ANKRD28: variants seen among roughly 807,000 people sequenced by gnomAD.
ANKRD28 encodes ankyrin repeat domain 28.
In ANKRD28, 44 loss-of-function variants were observed where a neutral mutation model predicts 126.5. The ratio of observed to expected loss-of-function variants is 0.35; its 90% confidence interval spans 0.27 to 0.45. ANKRD28 has a LOEUF of 0.45. Ranked by LOEUF, ANKRD28 falls within the 20% of genes least tolerant of loss-of-function variation. ANKRD28 has a pLI of 1.00. For missense variants in ANKRD28, 1,110 were observed against 1,316.6 expected, an observed-to-expected ratio of 0.84 and a Z score of 2.43; for synonymous variants, 442 against 468.5, an observed-to-expected ratio of 0.94 and a Z score of 0.73.
rs1234509249 is a variant in ANKRD28, at chr3:15,679,359, C to G, written c.2503G>C (p.Glu835Gln). 2 of 1,613,968 alleles carry G rather than the reference C, an allele frequency of 1.2e-6. No individual in the cohort carries two copies. Among genetic ancestry groups the G allele is most frequent in the Non-Finnish European group, 1.7e-6 (2 of 1,179,880 alleles). The change falls in exon 23 of 28, where the codon GAG (glutamate) becomes CAG (glutamine). Residue 835 changes from glutamate (E) to glutamine (Q), a missense_variant. Physicochemically the swap from Glu to Gln is conservative, Grantham distance 29. Transcript: ENST00000683139. ...AVINDNEGAA[E>Q]MLIDTLGASI... is the part of the protein sequence containing the mutation. ...GCACCTAATGTATCAATTAACATCT[C>G]AGCAGCACCTTCGTTGTCATTTATC...
chr3:15,700,031 T>C (rs550371724), intron 14 of ANKRD28, among the ~76,000 whole-genome samples: 1 of 152,288 alleles, frequency 6.6e-6, no homozygotes, highest in African/African-American at 2.4e-5. Flanking sequence ...GTGGCACATA[T>C]ACACCATGGA....
chr3:15,699,070 C>T (rs935183566), intron 14 of ANKRD28, among the ~76,000 whole-genome samples: 7 of 152,072 alleles, frequency 4.6e-5, no homozygotes, highest in Admixed American at 3.9e-4. Context: ...AGAACAGAGG[C>T]CTCAGAAATA....
chr3:15,693,958 T>G (rs1431784774), intron 17 of ANKRD28, among the ~76,000 whole-genome samples: 1 of 152,138 alleles, frequency 6.6e-6, no homozygotes, highest in East Asian at 1.9e-4. Context: ...TGTTCCACAT[T>G]AAATTAAGGA....
intron 21 of ANKRD28, 142 bp from the exon 22 acceptor site, chr3:15,679,705 T>C (rs934309169): frequency 2.8e-5 from 19 of 669,714 alleles, no homozygotes; most frequent in African/African-American, 2.0e-4. Flanking sequence ...AATATAACCA[T>C]TGGTAGCTGT....
chr3:15,669,441 T>C lies in ANKRD28; in HGVS notation c.*829A>G, dbSNP rs944377657. 1 of 152,136 alleles carries C rather than the reference T, an allele frequency of 6.6e-6. No homozygotes were observed. Among genetic ancestry groups the C allele is most frequent in the Non-Finnish European group, 1.5e-5 (1 of 68,024 alleles). 9.4% of individuals were successfully genotyped at this position (152,136 alleles called of 1,614,324 possible). ...AATTCTTTACATTTTCAAACAAAAA[T>C]AGTACTATTTTAAACCCAAACCATT... On this transcript the variant is annotated 3_prime_UTR_variant, in exon 28 of 28. Coordinates refer to ENST00000683139, the MANE Select transcript of ANKRD28 (RefSeq NM_001349278.2).
intron 1 of ANKRD28, among the ~76,000 whole-genome samples, chr3:15,840,945 A>C (rs1460132475): frequency 2.6e-5 from 4 of 152,180 alleles, no homozygotes; most frequent in Non-Finnish European, 5.9e-5. Context: ...GTTTGAGACA[A>C]GCCTGGCCAA....
intron 2 of ANKRD28, among the ~76,000 whole-genome samples, chr3:15,773,407 C>T (rs772849443): frequency 3.9e-5 from 6 of 152,116 alleles, no homozygotes; most frequent in Admixed American, 1.3e-4. Context: ...GGCGGATCAC[C>T]TGAGGTCAAG....
intron 1 of ANKRD28, among the ~76,000 whole-genome samples, chr3:15,803,347 G>T (rs112874078): frequency 2.0e-5 from 3 of 152,058 alleles, no homozygotes; most frequent in African/African-American, 7.3e-5. Context: ...GGCCGTGCAC[G>T]GTGGCTCACA....
chr3:15,822,530 A>G (rs1336200102), intron 1 of ANKRD28, among the ~76,000 whole-genome samples: 2 of 152,270 alleles, frequency 1.3e-5, no homozygotes, highest in African/African-American at 2.4e-5. Context: ...CCAATTTCCA[A>G]CAAAAACATC....
At chr3:15,730,002 C>T (rs975609103) in intron 6 of ANKRD28, among the ~76,000 whole-genome samples, 3 of 152,100 alleles carry the variant, frequency 2.0e-5, no homozygotes, top group Non-Finnish European at 4.4e-5. Context: ...GAGGTGTGTG[C>T]CACCACACCC....
At chr3:15,742,768 C>A (rs368171960) in intron 4 of ANKRD28, among the ~76,000 whole-genome samples, 1 of 133,974 alleles carries the variant, frequency 7.5e-6, no homozygotes, top group African/African-American at 2.8e-5. Context: ...GTCAGCCCCC[C>A]GCCCGGCCAG....
chr3:15,707,607 C>A (rs1040940163), intron 14 of ANKRD28, among the ~76,000 whole-genome samples: 7 of 152,260 alleles, frequency 4.6e-5, no homozygotes, highest in African/African-American at 1.7e-4. Flanking sequence ...GATATAGTCA[C>A]GGCTGTAGCC....
At chr3:15,757,649 CTAAAA>C (rs576720716) in intron 3 of ANKRD28, among the ~76,000 whole-genome samples, 170 of 152,222 alleles carry the variant, frequency 1.1e-3, no homozygotes, top group African/African-American at 4.0e-3. Context: ...TGAGGTTATA[CTAAAA>C]AGACTGCTGG....
intron 27 of ANKRD28, among the ~76,000 whole-genome samples, chr3:15,672,452 AT>A (rs2066475097): frequency 6.6e-6 from 1 of 152,094 alleles, no homozygotes; most frequent in African/African-American, 2.4e-5. Flanking sequence ...ACAAAAAGTA[AT>A]TTTTCCCCCT....
intron 8 of ANKRD28, among the ~76,000 whole-genome samples, chr3:15,719,839 G>C (rs957962927): frequency 3.3e-5 from 5 of 152,050 alleles, no homozygotes; most frequent in Admixed American, 3.3e-4. Context: ...ACAAGCGTGA[G>C]CCAGACTGTA....
At chr3:15,850,247 AG>A in intron 1 of ANKRD28, among the ~76,000 whole-genome samples, 1 of 139,446 alleles carries the variant, frequency 7.2e-6, no homozygotes, top group Non-Finnish European at 1.6e-5. Flanking sequence ...AGAGAGAGAG[AG>A]AGAGAGAGAG....
intron 23 of ANKRD28, 109 bp from the exon 24 acceptor site, chr3:15,678,463 T>C: frequency 9.8e-7 from 1 of 1,023,228 alleles, no homozygotes; most frequent in South Asian, 2.0e-5. Flanking sequence ...CATATTAGGC[T>C]ACAAAAGCAC....
At chr3:15,799,125 T>A (rs2060400708), upstream of ANKRD28, among the ~76,000 whole-genome samples, 1 of 151,974 alleles carries the variant, frequency 6.6e-6, no homozygotes, top group African/African-American at 2.4e-5. Context: ...ACAGACACAC[T>A]CTCTTCTCTC....
chr3:15,732,133 G>C (rs1362628280), intron 6 of ANKRD28: 4 of 152,214 alleles, frequency 2.6e-5, no homozygotes, highest in Non-Finnish European at 5.9e-5. Flanking sequence ...TGACCCCATA[G>C]TGGGTAGAAA....
Sources: gnomAD v4.1 joint callset for allele counts (sites outside exome capture counted in the v4.1 genomes callset) on GRCh38, gnomAD v4.1.1 for gene constraint, MANE v1.5 for transcripts, NCBI Gene and HGNC (gene_info 2026-07-23, HGNC 2026-07-21) for gene names.